Variants in ARFGEF3 observed in about 807,000 individuals in gnomAD.
The protein encoded by ARFGEF3 is brefeldin A-inhibited guanine nucleotide-exchange protein 3.
ARFGEF3 carries 96 observed loss-of-function variants against 221.7 expected under a neutral mutation model. The observed-to-expected ratio is 0.43, with a 90% confidence interval of 0.37 to 0.51. The LOEUF (loss-of-function observed/expected upper bound fraction) is 0.51, where lower values mean the gene tolerates loss of function less well. Ranked by LOEUF, ARFGEF3 falls within the 20% of genes least tolerant of loss-of-function variation. The pLI is 0.00. For synonymous variants in ARFGEF3, 1,145 were observed against 1,126.8 expected (o/e 1.02, Z -0.32); for missense variants, 2,410 against 2,789.9 (o/e 0.86, Z 3.07).
chr6:138,254,418 CAAA>C (rs565207623), intron 9 of ARFGEF3, among the ~76,000 whole-genome samples: 1 of 106,108 alleles, frequency 9.4e-6, no homozygotes. Context: ...GACTCTGTCC[CAAA>C]AAAAAAAAAA....
intron 18 of ARFGEF3, among the ~76,000 whole-genome samples, chr6:138,290,210 T>C (rs747615669): frequency 7.2e-5 from 11 of 152,218 alleles, no homozygotes; most frequent in Non-Finnish European, 1.2e-4. Flanking sequence ...TTGTGACTTT[T>C]CTATTGACAT....
At chr6:138,177,247 C>T (rs757340463) in intron 2 of ARFGEF3, among the ~76,000 whole-genome samples, 2 of 151,130 alleles carry the variant, frequency 1.3e-5, no homozygotes, top group Admixed American at 6.6e-5. Flanking sequence ...TGTCACCACA[C>T]CCAGCTAATT....
chr6:138,256,471 A>G (rs1002070876), intron 10 of ARFGEF3, among the ~76,000 whole-genome samples: 6 of 152,174 alleles, frequency 3.9e-5, no homozygotes, highest in Non-Finnish European at 8.8e-5. Context: ...ACCCCTCCAA[A>G]AAACCAGAGT....
At chr6:138,174,417 A>C (rs1776896128) in intron 2 of ARFGEF3, among the ~76,000 whole-genome samples, 1 of 126,846 alleles carries the variant, frequency 7.9e-6, no homozygotes, top group Admixed American at 1.0e-4. Flanking sequence ...GAGAGCATTT[A>C]CTCTGTTAAA....
At chr6:138,253,822 C>T in intron 8 of ARFGEF3, 58 bp from the exon 9 acceptor site, 3 of 1,347,040 alleles carry the variant, frequency 2.2e-6, no homozygotes, top group East Asian at 2.5e-5. Context: ...CCACACATCA[C>T]CTCTTTAATT....
At chr6:138,335,249 C>T in intron 33 of ARFGEF3, 61 bp downstream of exon 33, 2 of 1,452,354 alleles carry the variant, frequency 1.4e-6, no homozygotes, top group South Asian at 1.5e-5. Context: ...TGGATGGGCC[C>T]CCCCTTGCAG....
At chr6:138,311,567 C>A in intron 25 of ARFGEF3, 57 bp downstream of exon 25, 1 of 1,194,846 alleles carries the variant, frequency 8.4e-7, no homozygotes, top group Non-Finnish European at 1.2e-6. Flanking sequence ...GAACATGCTG[C>A]CAAAACATGC....
chr6:138,286,661 T>G (rs780661453), intron 15 of ARFGEF3, 40 bp from the exon 16 acceptor site: 3 of 1,583,082 alleles, frequency 1.9e-6, no homozygotes, highest in Admixed American at 1.7e-5. Flanking sequence ...CCAGGTTGTT[T>G]TTGTCTCTAG....
intron 2 of ARFGEF3, among the ~76,000 whole-genome samples, chr6:138,190,838 C>G (rs1290652681): frequency 6.6e-6 from 1 of 152,166 alleles, no homozygotes; most frequent in Non-Finnish European, 1.5e-5. Context: ...GATGCTGGTG[C>G]TTGTTTCCAT....
intron 5 of ARFGEF3, among the ~76,000 whole-genome samples, chr6:138,235,948 A>G (rs1778278556): frequency 6.6e-6 from 1 of 152,236 alleles, no homozygotes; most frequent in Non-Finnish European, 1.5e-5. Flanking sequence ...TTACTGCAAT[A>G]AGTCATATCC....
chr6:138,226,679 TGC>T (rs1778090251), intron 4 of ARFGEF3, among the ~76,000 whole-genome samples: 1 of 152,256 alleles, frequency 6.6e-6, no homozygotes, highest in Non-Finnish European at 1.5e-5. Flanking sequence ...GGGGCCAGCG[TGC>T]TCAGAATGTT....
chr6:138,263,643 C>A, intron 12 of ARFGEF3, 32 bp downstream of exon 12: 1 of 1,541,740 alleles, frequency 6.5e-7, no homozygotes, highest in Non-Finnish European at 8.7e-7. Flanking sequence ...GTATAGTCAA[C>A]AAGATTATTC....
intron 1 of ARFGEF3, among the ~76,000 whole-genome samples, chr6:138,168,027 A>C (rs1187338205): frequency 6.6e-6 from 1 of 152,144 alleles, no homozygotes; most frequent in African/African-American, 2.4e-5. Context: ...ATCTTCTTTC[A>C]GTTACTCAGC....
chr6:138,246,090 T>G (rs999593265), intron 8 of ARFGEF3, among the ~76,000 whole-genome samples: 1 of 152,258 alleles, frequency 6.6e-6, no homozygotes, highest in Non-Finnish European at 1.5e-5. Flanking sequence ...CTTTTACTTT[T>G]TTTTGTTTTG....
intron 2 of ARFGEF3, among the ~76,000 whole-genome samples, chr6:138,172,680 C>A (rs1038812306): frequency 2.0e-5 from 3 of 152,148 alleles, no homozygotes; most frequent in Admixed American, 6.5e-5. Flanking sequence ...AGGTGTCTTA[C>A]TGCTTACAAC....
chr6:138,209,299 C>G (rs1777678588), intron 3 of ARFGEF3, among the ~76,000 whole-genome samples: 1 of 152,126 alleles, frequency 6.6e-6, no homozygotes, highest in Non-Finnish European at 1.5e-5. Flanking sequence ...GTGGGTAGGG[C>G]TAGCTTCCTC....
At chr6:138,288,689 A>C (rs73567094) in intron 17 of ARFGEF3, among the ~76,000 whole-genome samples, 3,599 of 152,252 alleles carry the variant, frequency 0.024, 143 homozygotes, top group African/African-American at 0.083. Context: ...CATCTCAAAT[A>C]AATAAATAAA....
chr6:138,302,479 T>G (rs1295407960), intron 22 of ARFGEF3, among the ~76,000 whole-genome samples: 1 of 152,110 alleles, frequency 6.6e-6, no homozygotes, highest in Admixed American at 6.5e-5. Context: ...CCAACATACC[T>G]GTAATGGGAG....
Position 138,289,865 on chromosome 6 carries a change from G to C in ARFGEF3, c.2944G>C (p.Gly982Arg), listed in dbSNP as rs1438480736. 6.2e-7 allele frequency: 1 copy of C among 1,613,944 alleles called. No individual in the cohort carries two copies. Among genetic ancestry groups the C allele is most frequent in the South Asian group, 1.1e-5 (1 of 91,070 alleles). ...ACTGGAGCAGATTGGGAAGGTGCAG[G>C]GGGTGTGGCTGCACACTGCCCACGT... is the stretch of plus-strand genomic sequence containing the variant. ...QKLEQIGKVQ[G>R]VWLHTAHVLC... The change falls in exon 18 of 34, where the codon GGG becomes CGG. Residue 982 changes from glycine (G) to arginine (R), a missense_variant. Gly to Arg is a moderately radical substitution (Grantham distance 125). Transcript: ENST00000251691.
Sources: gnomAD v4.1 joint callset for allele counts (sites outside exome capture counted in the v4.1 genomes callset) on GRCh38, gnomAD v4.1.1 for gene constraint, MANE v1.5 for transcripts, NCBI Gene and HGNC (gene_info 2026-07-23, HGNC 2026-07-21) for gene names.